The following MYBPC3 variants were observed in gnomAD, a reference collection of about 807,000 sequenced individuals.
MYBPC3 encodes myosin-binding protein C, cardiac-type.
Under a neutral mutation model 159.3 loss-of-function variants are expected in MYBPC3, and 108 were observed. That is an observed-to-expected ratio of 0.68 (90% CI 0.58 to 0.80). The LOEUF (loss-of-function observed/expected upper bound fraction) is 0.80. Ranked by LOEUF, MYBPC3 falls within the 30% of genes least tolerant of loss-of-function variation. The probability of loss-of-function intolerance (pLI) is 0.00; values close to 1 mark genes in which losing one functional copy is unlikely to be tolerated. For missense variants in MYBPC3, 1,631 were observed against 1,762.1 expected (o/e 0.93, Z 1.33); for synonymous variants, 730 against 702.0 (o/e 1.04, Z -0.63).
chr11:47,334,095 C>T, intron 27 of MYBPC3, 85 bp from the exon 28 acceptor site: 2 of 1,333,104 alleles, frequency 1.5e-6, no homozygotes, highest in Non-Finnish European at 2.1e-6. Context: ...GAGACAAGGC[C>T]CAGAGAGCTG....
At position 47,342,068 on chromosome 11, in the gene MYBPC3, C is replaced by T. The variant is rs1060504241; in HGVS notation, c.1713G>A (p.Glu571=). 5.0e-6 allele frequency: 8 copies of T among 1,613,560 alleles called. No individual in the cohort carries two copies. Among genetic ancestry groups the T allele is most frequent in the Non-Finnish European group, 5.9e-6 (7 of 1,179,722 alleles). ...TCTTCAGCCACACACCCCGAACATT[C>T]TCATCTGAGACCTCACATTTGAACA... The part of the protein sequence containing the change: ...QAVFKCEVSD[E]NVRGVWLKNG... Residue 571 remains glutamate (E), a synonymous_variant, in exon 18 of 35, where the codon GAG becomes GAA. Transcript: ENST00000545968.
In MYBPC3 at chr11:47,342,691, T is replaced by C. The variant is rs1595846219; in HGVS notation, c.1511A>G (p.Lys504Arg). The C allele has an allele frequency of 6.2e-7, 1 of 1,614,028 alleles. No individual in the cohort carries two copies. The highest frequency in any genetic ancestry group is 8.5e-7 in the Non-Finnish European group (1 of 1,179,888). The change falls in exon 17 of 35, where the codon AAG becomes AGG. Residue 504 changes from lysine (K) to arginine (R), a missense_variant. Lys to Arg is a conservative substitution (Grantham distance 26). Coordinates refer to ENST00000545968, the MANE Select transcript of MYBPC3 (RefSeq NM_000256.3). ...TREETFKYRF[K>R]KDGQRHHLII... ...CAGGTGGTGTCTCTGCCCGTCCTTC[T>C]TGAACCGGTATTTGAAGGTCTCCTC...
rs1474089915 is a variant in MYBPC3, at chr11:47,338,863, C to T, written c.2149-184G>A. On this transcript the variant is annotated intron_variant, in intron 22 of 34. Coordinates refer to ENST00000545968, the MANE Select transcript of MYBPC3 (RefSeq NM_000256.3). The surrounding 1 kb of genome is among the most constrained non-coding windows in gnomAD (Gnocchi z 4.7). ...CCGACTGAGGGCAGGGGCTCGGGTT[C>T]TAGCTTTGTCACGGGACCTGGGGCA... 1.3e-5 allele frequency among the ~76,000 whole-genome samples: 2 copies of T among 152,162 alleles called. No homozygotes were observed. Among genetic ancestry groups the T allele is most frequent in the Non-Finnish European group, 2.9e-5 (2 of 68,022 alleles).
Position 47,346,658 on chromosome 11 carries a change from G to A in MYBPC3, c.909-14C>T. 1.3e-6 allele frequency: 2 copies of A among 1,597,830 alleles called. No homozygotes were observed. The highest frequency in any genetic ancestry group is 1.3e-5 in the African/African-American group (1 of 74,620). On this transcript the variant is annotated splice_polypyrimidine_tract_variant and intron_variant, in intron 10 of 34. Transcript: ENST00000545968. This position sits in a 1 kb window ranked among gnomAD's most constrained non-coding sequence, Gnocchi z 5.3. Reference sequence around the variant, plus strand: ...GTCCGGAAACTGCTGCTCCAGGGGTGGGGGTGGGAGAAAGGGTAGGTGGCA... The same window carrying A: ...GTCCGGAAACTGCTGCTCCAGGGGTAGGGGTGGGAGAAAGGGTAGGTGGCA...
Position 47,333,597 on chromosome 11 carries a change from C to A in MYBPC3, c.3150G>T (p.Glu1050Asp). The stretch of plus-strand genomic sequence containing the variant: ...CCAGCGTGGCCTTGTCCTCCATGTT[C>A]TCAATGCGCACCGTCACCTGGTAAG... The part of the protein sequence containing the change: ...SGTYQVTVRI[E>D]NMEDKATLVL... Residue 1050 changes from glutamate (E) to aspartate (D), a missense_variant, in exon 29 of 35, where the codon GAG becomes GAT. Coordinates refer to ENST00000545968, the MANE Select transcript of MYBPC3 (RefSeq NM_000256.3). The A allele has an allele frequency of 6.2e-7, 1 of 1,602,480 alleles. No individual in the cohort carries two copies. The highest frequency in any genetic ancestry group is 1.7e-5 in the Admixed American group (1 of 60,018).
chr11:47,348,645 C>A (rs1175996151), intron 5 of MYBPC3, 104 bp from the exon 6 acceptor site: 2 of 787,912 alleles, frequency 2.5e-6, no homozygotes, highest in Non-Finnish European at 3.9e-6. Context: ...GTGGCTCAGG[C>A]CTGTAATCCC....
Position 47,347,469 on chromosome 11 carries a change from C to A in MYBPC3, c.862G>T (p.Glu288Ter). Residue 288 changes from glutamate to a stop codon, truncating the protein, a stop_gained, in exon 9 of 35, where the codon GAG becomes TAG. Transcript: ENST00000545968. LOFTEE classifies it high-confidence loss of function. ...CTGAAGTCCAGAATCCCAGTGTCCT[C>A]ATGGCTATCACTATGGAGAGGGACC... Reference protein sequence around the residue: ...GGGRRISDSHEDTGILDFSSL... With the variant: ...GGGRRISDSH 1.3e-6 allele frequency: 2 copies of A among 1,596,522 alleles called. No homozygotes were observed. The highest frequency in any genetic ancestry group is 2.3e-5 in the East Asian group (1 of 44,246).
chr11:47,331,836 G>C lies in MYBPC3; in HGVS notation c.*26+9C>G. The C allele has an allele frequency of 6.2e-7, 1 of 1,602,604 alleles. No individual in the cohort carries two copies. Among genetic ancestry groups the C allele is most frequent in the Non-Finnish European group, 8.5e-7 (1 of 1,175,136 alleles). ...CTGACTTGTGCCCTGGGTGTCGGGT[G>C]GTACATACCTGGCCATCCCCAGGAG... On this transcript the variant is annotated intron_variant, in intron 34 of 34. Coordinates refer to ENST00000545968, the MANE Select transcript of MYBPC3 (RefSeq NM_000256.3).
Position 47,341,168 on chromosome 11 carries a change from A to T in MYBPC3, c.1867T>A (p.Cys623Ser), listed in dbSNP as rs746786287. Residue 623 changes from cysteine to serine, a missense_variant, in exon 19 of 35, where the codon TGC (cysteine) becomes AGC (serine). Physicochemically the swap from Cys to Ser is moderately radical, Grantham distance 112. Coordinates refer to ENST00000545968, the MANE Select transcript of MYBPC3 (RefSeq NM_000256.3). ...AAGTGGAGCTTGGCTGACAGGTTGC[A>T]GGCGAAGCCCTCGGGCACAAAGCTG... ...DYSFVPEGFA[C>S]NLSAKLHFME... 1 of 1,590,576 alleles carries T rather than the reference A, an allele frequency of 6.3e-7. No individual in the cohort carries two copies. The highest frequency in any genetic ancestry group is 1.1e-5 in the South Asian group (1 of 87,020).
chr11:47,350,734 T>C, intron 2 of MYBPC3, 119 bp from the exon 3 acceptor site: 1 of 1,364,362 alleles, frequency 7.3e-7, no homozygotes. Flanking sequence ...GCCATGGCTG[T>C]CCTCCCGCTG....
At chr11:47,335,723 T>C (rs2095881550) in intron 26 of MYBPC3, 154 bp downstream of exon 26, 2 of 647,514 alleles carry the variant, frequency 3.1e-6, no homozygotes, top group East Asian at 3.3e-5. Context: ...TAGGCAAGCT[T>C]TTTTACTTCT....
intron 18 of MYBPC3, 88 bp downstream of exon 18, chr11:47,341,903 T>TTA (rs1312851427): frequency 2.0e-6 from 3 of 1,483,080 alleles, no homozygotes; most frequent in Non-Finnish European, 2.7e-6. Context: ...CCACCTGTCT[T>TTA]TATCTCTCTC....
At chr11:47,345,442 G>A (rs1385208729) in intron 12 of MYBPC3, among the ~76,000 whole-genome samples, 3 of 152,260 alleles carry the variant, frequency 2.0e-5, no homozygotes, top group Admixed American at 6.5e-5. Context: ...CCCCATGATC[G>A]TGTGTGTTTT....
rs397515984 is a variant in MYBPC3 at position 47,335,891 on chromosome 11, T to G, written c.2723A>C (p.Tyr908Ser). Residue 908 changes from tyrosine (Y) to serine (S), a missense_variant, in exon 26 of 35, where the codon TAC (tyrosine) becomes TCC (serine). By Grantham distance (144) the Tyr-to-Ser change is moderately radical (BLOSUM62 -2). Coordinates refer to ENST00000545968, the MANE Select transcript of MYBPC3 (RefSeq NM_000256.3). ...AGGLDGYSVE[Y>S]CPEGCSEWVA... ...GGGACACTCACAGCCCTCTGGGCAG[T>G]ACTCCACGCTGTAGCCATCCAGGCC... 1 of 1,530,188 alleles carries G rather than the reference T, an allele frequency of 6.5e-7. No homozygotes were observed. Among genetic ancestry groups the G allele is most frequent in the Admixed American group, 2.0e-5 (1 of 48,920 alleles). 94.8% of individuals were successfully genotyped at this position (1,530,188 alleles called of 1,614,324 possible).
intron 30 of MYBPC3, 83 bp downstream of exon 30, chr11:47,333,111 G>A: frequency 6.5e-7 from 1 of 1,531,492 alleles, no homozygotes. Context: ...GGGGTCCACG[G>A]TGAGGACAGT....
In MYBPC3 at chr11:47,332,305, G is replaced by A. The variant is rs753744514; in HGVS notation, c.3628-47C>T. 3 of 1,597,430 alleles carry A rather than the reference G, an allele frequency of 1.9e-6. No homozygotes were observed. The highest frequency in any genetic ancestry group is 2.6e-6 in the Non-Finnish European group (3 of 1,165,982). ...GGAGGGAAGCCATCCAGGCTGAGAG[G>A]GGACCTGGCAGGGACCCAGGGAGAC... On this transcript the variant is annotated intron_variant, in intron 32 of 34. Coordinates refer to ENST00000545968, the MANE Select transcript of MYBPC3 (RefSeq NM_000256.3). This position sits in a 1 kb window ranked among gnomAD's most constrained non-coding sequence, Gnocchi z 4.2.
intron 7 of MYBPC3, 56 bp downstream of exon 7, chr11:47,347,801 G>GA (rs1166892196): frequency 9.7e-6 from 15 of 1,547,648 alleles, no homozygotes; most frequent in Non-Finnish European, 1.3e-5. Context: ...TCGAGACCCT[G>GA]AAGGGCCTCA....
intron 27 of MYBPC3, among the ~76,000 whole-genome samples, chr11:47,334,751 C>T (rs1282904121): frequency 6.6e-6 from 1 of 152,138 alleles, no homozygotes; most frequent in Non-Finnish European, 1.5e-5. Context: ...TTAGTAGAGA[C>T]AGGGTTTCAC....
At position 47,335,386 on chromosome 11, in the gene MYBPC3, GGC is replaced by G. The variant is rs573598952; in HGVS notation, c.2738-179_2738-178del. On this transcript the variant is annotated intron_variant, in intron 26 of 34. Coordinates refer to ENST00000545968, the MANE Select transcript of MYBPC3 (RefSeq NM_000256.3). ...CTTGTCTCCCAGGCTGGAGTGCAAT[GGC>G]ATGATCTTGGCTCACCGCAACTTCT... 5.3e-5 allele frequency among the ~76,000 whole-genome samples: 8 copies of G among 152,348 alleles called. No homozygotes were observed. The South Asian group carries it at 1.7e-3, about 32-fold the overall frequency.
Sources: allele counts gnomAD v4.1 joint callset (sites outside exome capture counted in the v4.1 genomes callset), GRCh38; gene constraint gnomAD v4.1.1; non-coding constraint Gnocchi (gnomAD v3.1); transcripts MANE v1.5; gene names NCBI Gene and HGNC (gene_info 2026-07-23, HGNC 2026-07-21).